Variants in OSBPL10 observed in about 807,000 individuals in gnomAD.
OSBPL10 encodes oxysterol binding protein like 10.
Under a neutral mutation model 81.7 loss-of-function variants are expected in OSBPL10, and 49 were observed. The observed-to-expected ratio is 0.60, with a 90% CI of 0.48 to 0.76. The LOEUF is 0.76. OSBPL10 is among the 30% of genes least tolerant of loss of function. The pLI is 0.00. For missense variants in OSBPL10, 923 were observed against 987.8 expected, an observed-to-expected ratio of 0.93 and a Z score of 0.88; for synonymous variants, 419 against 383.6, an observed-to-expected ratio of 1.09 and a Z score of -1.08.
At chr3:31,773,626 C>T (rs1245757835) in intron 4 of OSBPL10, among the ~76,000 whole-genome samples, 2 of 152,182 alleles carry the variant, frequency 1.3e-5, no homozygotes. Context: ...GGTTTACTTG[C>T]TTCTCCATCC....
intron 4 of OSBPL10, among the ~76,000 whole-genome samples, chr3:31,761,843 G>A (rs954598441): frequency 2.4e-5 from 3 of 126,558 alleles, no homozygotes; most frequent in Non-Finnish European, 4.6e-5. Context: ...CCTAAAGGGA[G>A]TCAGAGAGTA....
At chr3:31,921,989 G>C (rs1696931629) in intron 1 of OSBPL10, among the ~76,000 whole-genome samples, 1 of 152,070 alleles carries the variant, frequency 6.6e-6, no homozygotes. Context: ...TTCCAATAAG[G>C]ACTATCCTAC....
intron 2 of OSBPL10, among the ~76,000 whole-genome samples, chr3:32,035,760 G>A (rs1332920565): frequency 2.6e-5 from 4 of 152,020 alleles, no homozygotes; most frequent in South Asian, 2.1e-4. Flanking sequence ...AAAATTAGAC[G>A]CAAATTTATA....
rs202044853 is a variant in OSBPL10, at chr3:31,818,108, AAAAC to A, written c.729+11928_729+11931del. The stretch of plus-strand genomic sequence containing the variant: ...GTGACACAGGGAGACCTTGCCTCAA[AAAAC>A]AAACAAACAAAAAAACACCCTCACA... On this transcript the variant is annotated intron_variant, in intron 4 of 11. Coordinates refer to ENST00000396556, the MANE Select transcript of OSBPL10 (RefSeq NM_017784.5). Among the ~76,000 whole-genome samples, 175 of 152,160 alleles carry A rather than the reference AAAAC, an allele frequency of 1.2e-3. 3 individuals are homozygous for A. The East Asian group carries it at 0.02, about 18-fold the overall frequency.
intron 1 of OSBPL10, among the ~76,000 whole-genome samples, chr3:31,961,110 G>A (rs1313092508): frequency 7.6e-6 from 1 of 131,150 alleles, no homozygotes; most frequent in East Asian, 2.3e-4. Context: ...TTCTTCATGT[G>A]CAACCCACTC....
intron 4 of OSBPL10, among the ~76,000 whole-genome samples, chr3:31,807,178 T>G (rs1575557344): frequency 6.6e-6 from 1 of 151,014 alleles, no homozygotes; most frequent in Non-Finnish European, 1.5e-5. Context: ...TCAGGAGTTT[T>G]AGACCAGCCT....
At chr3:31,968,271 C>T (rs896441500) in intron 1 of OSBPL10, among the ~76,000 whole-genome samples, 3 of 151,468 alleles carry the variant, frequency 2.0e-5, no homozygotes, top group African/African-American at 7.3e-5. Flanking sequence ...AAAAAAAAAT[C>T]GGATCACAAG....
At chr3:31,901,697 C>G (rs954363227) in intron 1 of OSBPL10, among the ~76,000 whole-genome samples, 18 of 152,194 alleles carry the variant, frequency 1.2e-4, no homozygotes, top group African/African-American at 4.1e-4. Flanking sequence ...AGGGCGGAAC[C>G]ACATCAGGAT....
Position 31,664,350 on chromosome 3 carries a change from A to G in OSBPL10, c.2097-118T>C, listed in dbSNP as rs1575460564. 4.1e-6 allele frequency: 4 copies of G among 970,316 alleles called. No individual in the cohort carries two copies. In the South Asian group the frequency reaches 4.7e-5, roughly 11 times the overall value. The allele number at this position is 970,316 out of a possible 1,614,324, so 60.1% of individuals were successfully genotyped here. A position where few individuals can be genotyped will look rare whatever the true frequency, so the allele number is the denominator to read the frequency against. Reference sequence around the variant, plus strand: ...CCGCCAGGCAAGCCCCCTCTGGGGTAGCTCATCCCAGATACCTCAAAGACC... The same window carrying G: ...CCGCCAGGCAAGCCCCCTCTGGGGTGGCTCATCCCAGATACCTCAAAGACC... On this transcript the variant is annotated intron_variant, in intron 10 of 11. Coordinates refer to ENST00000396556, the MANE Select transcript of OSBPL10 (RefSeq NM_017784.5).
At position 31,820,535 on chromosome 3, in the gene OSBPL10, C is replaced by T. The variant is rs6808868; in HGVS notation, c.729+9505G>A. 3.8e-3 allele frequency among the ~76,000 whole-genome samples: 575 copies of T among 151,666 alleles called. 5 individuals carry two copies. Among genetic ancestry groups the T allele is most frequent in the African/African-American group, 0.013 (548 of 41,328 alleles). Reference sequence around the variant, plus strand: ...GCTTAAATCCGGGAGGCGGAGGTTGCAGTGAGCCGAGATCACGCCACTGCA... The same window carrying T: ...GCTTAAATCCGGGAGGCGGAGGTTGTAGTGAGCCGAGATCACGCCACTGCA... On this transcript the variant is annotated intron_variant, in intron 4 of 11. Coordinates refer to ENST00000396556, the MANE Select transcript of OSBPL10 (RefSeq NM_017784.5).
intron 1 of OSBPL10, among the ~76,000 whole-genome samples, chr3:31,949,781 C>T (rs1250476305): frequency 6.9e-6 from 1 of 144,474 alleles, no homozygotes; most frequent in African/African-American, 2.5e-5. Flanking sequence ...ACTTCTGAAA[C>T]TTTCAGCAGA....
intron 2 of OSBPL10, among the ~76,000 whole-genome samples, chr3:31,988,451 T>G (rs1460506031): frequency 1.3e-5 from 2 of 152,206 alleles, no homozygotes; most frequent in African/African-American, 4.8e-5. Flanking sequence ...TTCAAAGCTA[T>G]GCCTATAGAT....
intron 6 of OSBPL10, among the ~76,000 whole-genome samples, chr3:31,719,665 C>A (rs1006071303): frequency 6.6e-6 from 1 of 152,074 alleles, no homozygotes; most frequent in African/African-American, 2.4e-5. Flanking sequence ...TAATACTTAT[C>A]AAAATTTAAA....
chr3:31,882,792 A>G (rs1695622097), intron 1 of OSBPL10, among the ~76,000 whole-genome samples: 1 of 152,106 alleles, frequency 6.6e-6, no homozygotes, highest in Non-Finnish European at 1.5e-5. Context: ...TCAGACCACT[A>G]TATTAATAAG....
chr3:31,980,890 G>A lies in OSBPL10; in HGVS notation c.281+9C>T. The A allele has an allele frequency of 6.4e-7, 1 of 1,559,190 alleles. No individual in the cohort carries two copies. The highest frequency in any genetic ancestry group is 8.6e-7 in the Non-Finnish European group (1 of 1,156,418). On this transcript the variant is annotated intron_variant, in intron 1 of 11. Transcript: ENST00000396556. Reference sequence around the variant, plus strand: ...CGGCGCGCGGTGGCGCGGGCGGCTGGCGCGTTACCTGTTCTGCCAGCCCTG... The same window carrying A: ...CGGCGCGCGGTGGCGCGGGCGGCTGACGCGTTACCTGTTCTGCCAGCCCTG...
rs186701590 is a variant in OSBPL10 at position 31,917,088 on chromosome 3, G to A, written c.282-37258C>T. ...GTGCACATCAATAATGAGATTCCAG[G>A]AGGAGGTCAATAGGACACTGGAGAA... On this transcript the variant is annotated intron_variant, in intron 1 of 11. Coordinates refer to ENST00000396556, the MANE Select transcript of OSBPL10 (RefSeq NM_017784.5). 9.7e-4 allele frequency among the ~76,000 whole-genome samples: 147 copies of A among 152,236 alleles called. 2 individuals carry two copies. The highest frequency in any genetic ancestry group is 2.4e-3 in the Admixed American group (36 of 15,278).
intron 3 of OSBPL10, among the ~76,000 whole-genome samples, chr3:31,868,021 C>A (rs984310392): frequency 6.6e-6 from 1 of 151,314 alleles, no homozygotes; most frequent in African/African-American, 2.4e-5. Context: ...CCCATGAAAA[C>A]AAAACGTGTA....
In OSBPL10 at chr3:31,828,733, ATGTTGGCCAGGC is replaced by A. The variant is rs1486876305; in HGVS notation, c.729+1295_729+1306del. On this transcript the variant is annotated intron_variant, in intron 4 of 11. Coordinates refer to ENST00000396556, the MANE Select transcript of OSBPL10 (RefSeq NM_017784.5). ...TTATTAGTAGAGATGGAGTTTCACCATGTTGGCCAGGCTGCTCTCGAACTCCTGACCTCAAGT... is the reference window on the plus strand; with the variant it reads ...TTATTAGTAGAGATGGAGTTTCACCATGCTCTCGAACTCCTGACCTCAAGT... Among the ~76,000 whole-genome samples the A allele has an allele frequency of 4.6e-5, 7 of 152,130 alleles. 1 individual carries two copies. Among genetic ancestry groups the A allele is most frequent in the Admixed American group, 3.3e-4 (5 of 15,274 alleles).
chr3:31,978,898 C>G (rs1698754719), intron 1 of OSBPL10, among the ~76,000 whole-genome samples: 1 of 152,108 alleles, frequency 6.6e-6, no homozygotes, highest in Non-Finnish European at 1.5e-5. Flanking sequence ...TAAAATAATG[C>G]AAAAGAATGT....
Sources: allele counts gnomAD v4.1 joint callset (sites outside exome capture counted in the v4.1 genomes callset), GRCh38; gene constraint gnomAD v4.1.1; transcripts MANE v1.5; gene names NCBI Gene and HGNC (gene_info 2026-07-23, HGNC 2026-07-21).